The following VRTN variants were observed in gnomAD, a reference collection of about 807,000 sequenced individuals.
VRTN encodes the protein vertebrae development associated, also known as vertnin.
Under a neutral mutation model 18.2 loss-of-function variants are expected in VRTN, and 5 were observed. The ratio of observed to expected loss-of-function variants is 0.27; its 90% CI spans 0.14 to 0.58. VRTN has a LOEUF of 0.58. VRTN is among the 20% of genes least tolerant of loss of function. The pLI, the probability that VRTN is intolerant of heterozygous loss-of-function variation, is 0.91. For synonymous variants in VRTN, 381 were observed against 393.7 expected, an observed-to-expected ratio of 0.97 and a Z score of 0.38; for missense variants, 741 against 939.4, an observed-to-expected ratio of 0.79 and a Z score of 2.76.
Position 74,358,625 on chromosome 14 carries a change from A to T in VRTN, c.1842A>T (p.Thr614=). Residue 614 remains threonine, a synonymous_variant, in exon 2 of 2, where the codon ACA becomes ACT. Transcript: ENST00000256362. This position sits in a 1 kb window ranked among gnomAD's most constrained non-coding sequence, Gnocchi z 5.4. ...SREGALQEGA[T]AQGQPHSGPL... ...AGGGGGCCCTGCAGGAGGGGGCCAC[A>T]GCCCAGGGCCAGCCCCACAGTGGGC... The T allele has an allele frequency of 6.2e-7, 1 of 1,603,196 alleles. No individual in the cohort carries two copies. The highest frequency in any genetic ancestry group is 1.1e-5 in the South Asian group (1 of 89,372).
At chr14:74,316,184 A>T (rs1229711334) in intron 1 of VRTN, among the ~76,000 whole-genome samples, 1 of 151,910 alleles carries the variant, frequency 6.6e-6, no homozygotes, top group African/African-American at 2.4e-5. Context: ...GCTTCTTGGG[A>T]TAGGGTGGTC....
Position 74,357,743 on chromosome 14 carries a change from G to A in VRTN, c.960G>A (p.Leu320=), listed in dbSNP as rs772355678. 2 of 1,613,216 alleles carry A rather than the reference G, an allele frequency of 1.2e-6. No homozygotes were observed. The highest frequency in any genetic ancestry group is 1.7e-5 in the Admixed American group (1 of 60,012). The part of the protein sequence containing the change: ...VAARFSAKHF[L]QDSFHRGGVV... ...CCCGCTTCTCCGCCAAGCACTTCCT[G>A]CAGGACAGCTTCCACCGGGGGGGCG... Residue 320 remains leucine, a synonymous_variant, in exon 2 of 2, where the codon CTG becomes CTA. Transcript: ENST00000256362. This position sits in a 1 kb window ranked among gnomAD's most constrained non-coding sequence, Gnocchi z 7.8.
intron 1 of VRTN, among the ~76,000 whole-genome samples, chr14:74,314,507 C>A (rs1003174417): frequency 7.3e-5 from 11 of 151,014 alleles, no homozygotes; most frequent in Non-Finnish European, 1.6e-4. Flanking sequence ...AGCAATTCTC[C>A]TGCCTCAGCC....
At chr14:74,356,472 C>T (rs560259242) in intron 1 of VRTN, among the ~76,000 whole-genome samples, 3 of 152,336 alleles carry the variant, frequency 2.0e-5, no homozygotes, top group African/African-American at 7.2e-5. Flanking sequence ...GTGTAAGCCA[C>T]CGTGCCTGGC....
At chr14:74,333,251 C>G (rs1027161901) in intron 1 of VRTN, among the ~76,000 whole-genome samples, 5 of 151,842 alleles carry the variant, frequency 3.3e-5, no homozygotes, top group African/African-American at 9.7e-5. Flanking sequence ...GGTGTGGTGG[C>G]ATGTGCCTGT....
chr14:74,311,788 G>A (rs1454601823), intron 1 of VRTN, among the ~76,000 whole-genome samples: 3 of 144,628 alleles, frequency 2.1e-5, no homozygotes, highest in East Asian at 4.1e-4. Context: ...TTTTTTTTGA[G>A]ATGGAGTTTC....
At chr14:74,314,961 A>G (rs964997524) in intron 1 of VRTN, among the ~76,000 whole-genome samples, 1 of 152,200 alleles carries the variant, frequency 6.6e-6, no homozygotes, top group African/African-American at 2.4e-5. Flanking sequence ...CCTACACAGA[A>G]GGATGGAGGA....
At chr14:74,356,161 A>G (rs2085726040) in intron 1 of VRTN, among the ~76,000 whole-genome samples, 1 of 151,864 alleles carries the variant, frequency 6.6e-6, no homozygotes, top group Non-Finnish European at 1.5e-5. Context: ...ATTTATGCCC[A>G]GAACAACTCA....
Position 74,357,438 on chromosome 14 carries a change from C to T in VRTN, c.655C>T (p.His219Tyr). The T allele has an allele frequency of 6.2e-7, 1 of 1,612,402 alleles. No individual in the cohort carries two copies. Residue 219 changes from histidine (H) to tyrosine (Y), a missense_variant, in exon 2 of 2, where the codon CAC (histidine) becomes TAC (tyrosine). Coordinates refer to ENST00000256362, the MANE Select transcript of VRTN (RefSeq NM_018228.3). The surrounding 1 kb of genome is among the most constrained non-coding windows in gnomAD (Gnocchi z 7.8). ...RRCDHVPSTL[H>Y]IMWAGQPLTS... ...CTGCGACCACGTGCCCTCCACGCTG[C>T]ACATCATGTGGGCTGGCCAGCCCCT...
At chr14:74,350,712 G>A (rs112316130) in intron 1 of VRTN, among the ~76,000 whole-genome samples, 44 of 152,232 alleles carry the variant, frequency 2.9e-4, no homozygotes, top group African/African-American at 1.0e-3. Context: ...ATGTAAACCC[G>A]GAACCTCCAG....
At chr14:74,337,740 A>G (rs1329873483) in exon 2 of VRTN, 4 of 152,154 alleles carry the variant, frequency 2.6e-5, no homozygotes, top group Non-Finnish European at 4.4e-5. Context: ...TCCTGAGGAC[A>G]GCTGCTCTGT....
intron 2 of VRTN, among the ~76,000 whole-genome samples, chr14:74,338,310 A>G (rs2085578516): frequency 6.6e-6 from 1 of 152,198 alleles, no homozygotes; most frequent in African/African-American, 2.4e-5. Flanking sequence ...AGAAGCCAGC[A>G]TCAGCCTGAC....
chr14:74,333,871 T>A (rs930318929), intron 1 of VRTN, among the ~76,000 whole-genome samples: 10 of 130,712 alleles, frequency 7.7e-5, no homozygotes, highest in Non-Finnish European at 1.2e-4. Flanking sequence ...AATAAATAAA[T>A]AAAATAAAAC....
chr14:74,313,422 T>G (rs995021264), intron 1 of VRTN, among the ~76,000 whole-genome samples: 3 of 152,108 alleles, frequency 2.0e-5, no homozygotes, highest in African/African-American at 7.2e-5. Context: ...AAAATGAAAG[T>G]TTGTTAAAAT....
intron 1 of VRTN, among the ~76,000 whole-genome samples, chr14:74,333,781 GGT>G (rs2085544904): frequency 6.8e-6 from 1 of 147,196 alleles, no homozygotes; most frequent in Non-Finnish European, 1.5e-5. Context: ...TGGAGGTTGC[GGT>G]GAGCCAAGAT....
intron 1 of VRTN, chr14:74,306,150 A>C (rs2085347824): frequency 1.5e-5 from 1 of 68,370 alleles, no homozygotes; most frequent in African/African-American, 1.2e-4. Context: ...ATATACATAT[A>C]TATATATATA....
Position 74,358,149 on chromosome 14 carries a change from C to G in VRTN, c.1366C>G (p.Leu456Val). Reference sequence around the variant, plus strand: ...CCCCAGCTTCAAGCCGGCACCAGCCCTCTCTGCTGCTGGGACTCCCCAGCT... The same window carrying G: ...CCCCAGCTTCAAGCCGGCACCAGCCGTCTCTGCTGCTGGGACTCCCCAGCT... ...RNPSFKPAPALSAAGTPQLAS... is the reference protein window; with the variant it reads ...RNPSFKPAPAVSAAGTPQLAS... The change falls in exon 2 of 2, where the codon CTC (leucine) becomes GTC (valine). Residue 456 changes from leucine to valine, a missense_variant. Leu to Val is a conservative substitution (Grantham distance 32). Around this residue, in one of 3 missense-constraint regions of VRTN, gnomAD observed 494 missense variants for 546.5 expected, o/e 0.90. Transcript: ENST00000256362. The surrounding 1 kb of genome is among the most constrained non-coding windows in gnomAD (Gnocchi z 5.4). The G allele has an allele frequency of 6.2e-7, 1 of 1,614,138 alleles. No homozygotes were observed. Among genetic ancestry groups the G allele is most frequent in the Non-Finnish European group, 8.5e-7 (1 of 1,180,042 alleles).
chr14:74,303,477 G>A (rs975491298), intron 1 of VRTN, among the ~76,000 whole-genome samples: 10 of 152,216 alleles, frequency 6.6e-5, no homozygotes, highest in Non-Finnish European at 1.0e-4. Context: ...CTTGGGCCCG[G>A]AAGGTCAAGG....
intron 1 of VRTN, among the ~76,000 whole-genome samples, chr14:74,318,612 A>G (rs2085433074): frequency 6.6e-6 from 1 of 151,290 alleles, no homozygotes; most frequent in Non-Finnish European, 1.5e-5. Context: ...GCGTTTCACC[A>G]TGCTGGCCAG....
Sources: allele counts gnomAD v4.1 joint callset (sites outside exome capture counted in the v4.1 genomes callset), GRCh38; gene constraint gnomAD v4.1.1; regional missense constraint gnomAD v4.1.1; non-coding constraint Gnocchi (gnomAD v3.1); transcripts MANE v1.5; gene names NCBI Gene and HGNC (gene_info 2026-07-23, HGNC 2026-07-21).